Variants in VIPR2 observed in about 807,000 individuals in gnomAD.
The protein encoded by VIPR2 is vasoactive intestinal polypeptide receptor 2.
In VIPR2, 48 loss-of-function variants were observed where a neutral mutation model predicts 58.0. The ratio of observed to expected loss-of-function variants is 0.83; its 90% CI spans 0.66 to 1.05. The LOEUF is 1.05. Among genes scored for constraint, VIPR2 ranks in the 50% least tolerant of loss-of-function variants. The pLI, the probability that VIPR2 is intolerant of heterozygous loss-of-function variation, is 0.00. For missense variants in VIPR2, 534 were observed against 558.0 expected (o/e 0.96, Z 0.43); for synonymous variants, 243 against 235.2 (o/e 1.03, Z -0.30).
At chr7:159,063,060 A>C (rs1855806090) in intron 4 of VIPR2, among the ~76,000 whole-genome samples, 1 of 152,168 alleles carries the variant, frequency 6.6e-6, no homozygotes, top group Non-Finnish European at 1.5e-5. Context: ...TCCCCACTGG[A>C]CTCAGGAGCC....
Position 159,093,094 on chromosome 7 carries a change from G to T in VIPR2, c.357+10663C>A, listed in dbSNP as rs1034269244. ...CCACTCAGAGAACCCGTCTAGCAGC[G>T]GAGATGCTGCTCCCAAGCTGAGAGA... On this transcript the variant is annotated intron_variant, in intron 4 of 12. Coordinates refer to ENST00000262178, the MANE Select transcript of VIPR2 (RefSeq NM_003382.5). The surrounding 1 kb of genome is among the most constrained non-coding windows in gnomAD (Gnocchi z 6.7). 3.3e-5 allele frequency among the ~76,000 whole-genome samples: 5 copies of T among 152,152 alleles called. No homozygotes were observed. The highest frequency in any genetic ancestry group is 2.6e-4 in the Admixed American group (4 of 15,278).
chr7:159,036,434 C>T (rs1176953478), intron 7 of VIPR2, among the ~76,000 whole-genome samples: 5 of 152,166 alleles, frequency 3.3e-5, no homozygotes, highest in Non-Finnish European at 5.9e-5. Flanking sequence ...TGCCTCTCCT[C>T]TCTGATCCCC....
At chr7:159,075,996 T>G (rs753777856) in intron 4 of VIPR2, among the ~76,000 whole-genome samples, 30 of 152,328 alleles carry the variant, frequency 2.0e-4, no homozygotes, top group South Asian at 4.1e-4. Context: ...GCTTGCCCAT[T>G]TTCTTGAGTA....
At chr7:159,063,106 G>T (rs536073454) in intron 4 of VIPR2, among the ~76,000 whole-genome samples, 40 of 152,344 alleles carry the variant, frequency 2.6e-4, no homozygotes, top group African/African-American at 9.4e-4. Flanking sequence ...GCACCGGGCC[G>T]CAGGCGGAGC....
chr7:159,107,127 A>C (rs2129496144), intron 3 of VIPR2, among the ~76,000 whole-genome samples: 1 of 152,276 alleles, frequency 6.6e-6, no homozygotes, highest in Middle Eastern at 3.4e-3. Flanking sequence ...CCATGAGCCT[A>C]CATCATCCTC....
chr7:159,089,874 T>C (rs1324160803), intron 4 of VIPR2, among the ~76,000 whole-genome samples: 1 of 152,224 alleles, frequency 6.6e-6, no homozygotes, highest in Admixed American at 6.5e-5. Context: ...CAAGGATCAC[T>C]GTGGGGAAGG....
intron 5 of VIPR2, among the ~76,000 whole-genome samples, chr7:159,045,365 A>G (rs552499483): frequency 6.6e-6 from 1 of 152,344 alleles, no homozygotes; most frequent in African/African-American, 2.4e-5. Flanking sequence ...AGACTACCAA[A>G]TAGTGTGGCA....
intron 4 of VIPR2, among the ~76,000 whole-genome samples, chr7:159,089,806 A>T (rs1857360710): frequency 6.6e-6 from 1 of 152,270 alleles, no homozygotes; most frequent in Non-Finnish European, 1.5e-5. Context: ...GGATGGCAGG[A>T]GGAGGCAGCA....
intron 4 of VIPR2, among the ~76,000 whole-genome samples, chr7:159,077,271 A>G (rs1279552310): frequency 2.0e-5 from 3 of 150,836 alleles, no homozygotes; most frequent in African/African-American, 7.5e-5. Context: ...GCCCTGTTCA[A>G]TGTCTTTGAG....
At chr7:159,144,113 T>C (rs1797590027) in intron 1 of VIPR2, among the ~76,000 whole-genome samples, 1 of 151,814 alleles carries the variant, frequency 6.6e-6, no homozygotes, top group South Asian at 2.1e-4. Context: ...GGTTTTTTTC[T>C]TTCTTTTTTC....
chr7:159,045,891 A>ATATATATAT (rs55934723), intron 5 of VIPR2, among the ~76,000 whole-genome samples: 27 of 147,960 alleles, frequency 1.8e-4, no homozygotes, highest in South Asian at 4.2e-4. Flanking sequence ...TTAGTATCTA[A>ATATATATAT]AATATATAAA....
At chr7:159,079,080 G>A (rs116207193) in intron 4 of VIPR2, among the ~76,000 whole-genome samples, 3,477 of 152,152 alleles carry the variant, frequency 0.023, 150 homozygotes, top group African/African-American at 0.08. Context: ...CTGAATGGCC[G>A]CACTCTCAGC....
rs533527225 is a variant in VIPR2 at position 159,051,303 on chromosome 7, C to T, written c.455+7178G>A. Among the ~76,000 whole-genome samples the T allele has an allele frequency of 2.0e-5, 3 of 152,196 alleles. No individual in the cohort carries two copies. In the South Asian group the frequency reaches 6.2e-4, roughly 32 times the overall value. ...GAGGTAAAATGGAGCTAAAATGTTG[C>T]AAAACTCTTGAATTGACTGGAAAGT... On this transcript the variant is annotated intron_variant, in intron 5 of 12. Coordinates refer to ENST00000262178, the MANE Select transcript of VIPR2 (RefSeq NM_003382.5).
At chr7:159,101,951 C>T (rs1017757875) in intron 4 of VIPR2, among the ~76,000 whole-genome samples, 7 of 139,032 alleles carry the variant, frequency 5.0e-5, no homozygotes, top group African/African-American at 1.2e-4. Context: ...ATGAGTCTCA[C>T]GAGATCCGAC....
At chr7:159,041,115 C>T (rs1435302739) in intron 6 of VIPR2, among the ~76,000 whole-genome samples, 1 of 152,224 alleles carries the variant, frequency 6.6e-6, no homozygotes, top group African/African-American at 2.4e-5. Context: ...TGCCCAGTTT[C>T]CTCGTCTGTG....
At position 159,030,689 on chromosome 7, in the gene VIPR2, G is replaced by A. The variant is rs1057127242; in HGVS notation, c.1244C>T (p.Ser415Leu). 1 of 1,578,680 alleles carries A rather than the reference G, an allele frequency of 6.3e-7. No homozygotes were observed. Among genetic ancestry groups the A allele is most frequent in the Non-Finnish European group, 8.6e-7 (1 of 1,163,682 alleles). Residue 415 changes from serine to leucine, a missense_variant, in exon 13 of 13, where the codon TCG becomes TTG. Physicochemically the swap from Ser to Leu is moderately radical, Grantham distance 145. This residue lies in a region of VIPR2 where 306 missense variants were observed against 285.8 expected (regional missense o/e 1.07). Coordinates refer to ENST00000262178, the MANE Select transcript of VIPR2 (RefSeq NM_003382.5). ...VCGSSFSRNG[S>L]EGALQFHRGS... Reference sequence around the variant, plus strand: ...GCGGTGGAACTGCAGGGCGCCCTCCGAGCCGTTGCGGGAGAAGGAGGAACC... The same window carrying A: ...GCGGTGGAACTGCAGGGCGCCCTCCAAGCCGTTGCGGGAGAAGGAGGAACC...
At chr7:159,107,819 C>T (rs1258107595) in intron 3 of VIPR2, among the ~76,000 whole-genome samples, 2 of 152,200 alleles carry the variant, frequency 1.3e-5, no homozygotes, top group Non-Finnish European at 2.9e-5. Flanking sequence ...CAGGGTCCCG[C>T]CTGGCACAGA....
At chr7:159,112,146 TCAAA>T (rs1201475415) in intron 2 of VIPR2, among the ~76,000 whole-genome samples, 4 of 152,266 alleles carry the variant, frequency 2.6e-5, no homozygotes, top group Non-Finnish European at 5.9e-5. Context: ...TCATACCACA[TCAAA>T]CAGTCTTTGC....
At chr7:159,054,942 A>T (rs1855220780) in intron 5 of VIPR2, among the ~76,000 whole-genome samples, 1 of 152,230 alleles carries the variant, frequency 6.6e-6, no homozygotes, top group South Asian at 2.1e-4. Context: ...TAAGATAAAC[A>T]CAAATGTAAA....
Sources: gnomAD v4.1 joint callset for allele counts (sites outside exome capture counted in the v4.1 genomes callset) on GRCh38, gnomAD v4.1.1 for gene constraint, gnomAD v4.1.1 regional missense constraint, Gnocchi (gnomAD v3.1) non-coding constraint, MANE v1.5 for transcripts, NCBI Gene and HGNC (gene_info 2026-07-23, HGNC 2026-07-21) for gene names.